HEATR4: variants seen among roughly 807,000 people sequenced by gnomAD.
HEATR4 encodes the protein HEAT repeat containing 4.
In HEATR4, 95 loss-of-function variants were observed where a neutral mutation model predicts 108.8. The ratio of observed to expected loss-of-function variants is 0.87; its 90% CI spans 0.74 to 1.04. The LOEUF (loss-of-function observed/expected upper bound fraction) is 1.04, where lower values mean the gene tolerates loss of function less well. HEATR4 is among the 50% of genes least tolerant of loss of function. The pLI is 0.00. For synonymous variants in HEATR4, 443 were observed against 459.4 expected, an observed-to-expected ratio of 0.96 and a Z score of 0.46; for missense variants, 1,152 against 1,253.8, an observed-to-expected ratio of 0.92 and a Z score of 1.23.
In HEATR4 at chr14:73,499,253, G is replaced by C. The variant is rs565986502; in HGVS notation, c.2287-113C>G. 4.0e-5 allele frequency: 35 copies of C among 871,976 alleles called. No homozygotes were observed. The East Asian group carries it at 8.6e-4, about 21-fold the overall frequency. The allele number at this position is 871,976 out of a possible 1,614,324, so 54.0% of individuals were successfully genotyped here. A position where few individuals can be genotyped will look rare whatever the true frequency, so the allele number is the denominator to read the frequency against. On this transcript the variant is annotated intron_variant, in intron 12 of 17. Transcript: ENST00000553558. ...CCCAGCATTTTGGGATGCCAAGGTG[G>C]GCGGATCACTTGACATCAGGAGTTT...
the HEATR4 span, chr14:73,593,566 C>T: frequency 1.4e-6 from 1 of 712,048 alleles, no homozygotes; most frequent in Non-Finnish European, 2.3e-6. Context: ...TGGTCTTGAA[C>T]TCCTGGCCTC....
intron 17 of HEATR4, among the ~76,000 whole-genome samples, chr14:73,486,526 C>T (rs965180081): frequency 3.3e-5 from 5 of 152,004 alleles, no homozygotes; most frequent in African/African-American, 7.2e-5. Context: ...GGCGAAACCC[C>T]GTCTCTAGTG....
chr14:73,632,275 C>T, the HEATR4 span, among the ~76,000 whole-genome samples: 120 of 151,972 alleles, frequency 7.9e-4, no homozygotes, highest in Non-Finnish European at 1.4e-3. Flanking sequence ...CATGCCTAGC[C>T]GGAAAACAAA....
At chr14:73,576,436 G>T in the HEATR4 span, among the ~76,000 whole-genome samples, 1 of 152,036 alleles carries the variant, frequency 6.6e-6, no homozygotes, top group South Asian at 2.1e-4. Context: ...TTTAGGATTT[G>T]TTTCAAAAGC....
At chr14:73,630,965 T>G in the HEATR4 span, among the ~76,000 whole-genome samples, 1 of 152,256 alleles carries the variant, frequency 6.6e-6, no homozygotes, top group East Asian at 1.9e-4. Context: ...AACAAGTCCT[T>G]GCTTTTCAGA....
At chr14:73,574,416 C>A in the HEATR4 span, 1 of 236,226 alleles carries the variant, frequency 4.2e-6, no homozygotes, top group Non-Finnish European at 8.4e-6. Flanking sequence ...AGGCACGTGC[C>A]ACTACTGCCC....
chr14:73,589,098 C>T, the HEATR4 span, among the ~76,000 whole-genome samples: 1 of 152,066 alleles, frequency 6.6e-6, no homozygotes, highest in Admixed American at 6.6e-5. Context: ...CATTATCACC[C>T]CAAATCTCTA....
At chr14:73,560,860 A>G (rs1889522132), upstream of HEATR4, among the ~76,000 whole-genome samples, 1 of 151,884 alleles carries the variant, frequency 6.6e-6, no homozygotes, top group Non-Finnish European at 1.5e-5. Flanking sequence ...AAAATTAAAT[A>G]TAGAATTACT....
chr14:73,633,379 G>GGATGC, the HEATR4 span, among the ~76,000 whole-genome samples: 1 of 152,096 alleles, frequency 6.6e-6, no homozygotes, highest in Non-Finnish European at 1.5e-5. Context: ...TCCCCGCTGG[G>GGATGC]CTCGTTTTAG....
chr14:73,612,604 C>G, the HEATR4 span: 1 of 1,416,354 alleles, frequency 7.1e-7, no homozygotes, highest in Non-Finnish European at 9.3e-7. Context: ...AGCCCGCGGG[C>G]CGCTGCTGCT....
At chr14:73,482,066 T>C (rs2140239872) in intron 17 of HEATR4, among the ~76,000 whole-genome samples, 1 of 151,972 alleles carries the variant, frequency 6.6e-6, no homozygotes, top group East Asian at 1.9e-4. Context: ...TGACAGGTAT[T>C]TGTGGGGAGG....
chr14:73,612,504 CGGCAAAGCCGCCA>C, the HEATR4 span: 1 of 1,086,064 alleles, frequency 9.2e-7, no homozygotes, highest in Non-Finnish European at 1.2e-6. Context: ...TTCCAGCGCT[CGGCAAAGCCGCCA>C]GGCCCGCCCA....
chr14:73,597,800 G>T, the HEATR4 span, among the ~76,000 whole-genome samples: 1 of 151,496 alleles, frequency 6.6e-6, no homozygotes, highest in African/African-American at 2.4e-5. Context: ...TACCATATTG[G>T]CCAGGCTGGT....
intron 9 of HEATR4, among the ~76,000 whole-genome samples, chr14:73,507,086 A>C (rs1242180952): frequency 6.6e-6 from 1 of 152,040 alleles, no homozygotes. Flanking sequence ...TACAGGCGTG[A>C]GCCACCGTGC....
chr14:73,502,853 AAGAATTTAG>A, intron 11 of HEATR4, 33 bp downstream of exon 11: 1 of 1,496,990 alleles, frequency 6.7e-7, no homozygotes, highest in Non-Finnish European at 9.3e-7. Context: ...AAACACTTCT[AAGAATTTAG>A]AAGAGTGTCT....
the HEATR4 span, chr14:73,593,965 C>T: frequency 7.0e-7 from 1 of 1,431,908 alleles, no homozygotes; most frequent in Admixed American, 2.0e-5. Flanking sequence ...GAGAGTGTAA[C>T]CTTTACCACG....
rs1197505745 is a variant in HEATR4, at chr14:73,551,572, C to T, written c.-152+7179G>A. Among the ~76,000 whole-genome samples, 2 of 113,446 alleles carry T rather than the reference C, an allele frequency of 1.8e-5. 1 individual carries two copies. The highest frequency in any genetic ancestry group is 2.0e-4 in the Admixed American group (2 of 9,962). 74.4% of individuals were successfully genotyped at this position (113,446 alleles called of 152,430 possible). A position where few individuals can be genotyped will look rare whatever the true frequency, so the allele number is the denominator to read the frequency against. ...CCTGTAATCCCAACACTTTGGGAGG[C>T]TGAGGTGGATGGGTCACCTGAGGTC... On this transcript the variant is annotated intron_variant, in intron 1 of 17. Coordinates refer to ENST00000553558, the MANE Select transcript of HEATR4 (RefSeq NM_001220484.1).
chr14:73,517,885 A>G (rs1193655557), intron 5 of HEATR4, among the ~76,000 whole-genome samples: 3 of 151,408 alleles, frequency 2.0e-5, no homozygotes, highest in Admixed American at 6.6e-5. Context: ...TCAAGAGATC[A>G]AGACCATCCT....
chr14:73,612,569 G>C, the HEATR4 span: 1 of 1,386,856 alleles, frequency 7.2e-7, no homozygotes. Context: ...TACCCAGATT[G>C]GGATGGCAGC....
Sources: gnomAD v4.1 joint callset for allele counts (sites outside exome capture counted in the v4.1 genomes callset) on GRCh38, gnomAD v4.1.1 for gene constraint, MANE v1.5 for transcripts, NCBI Gene and HGNC (gene_info 2026-07-23, HGNC 2026-07-21) for gene names.